DHX57: variants seen among roughly 807,000 people sequenced by gnomAD.
DHX57 encodes the protein putative ATP-dependent RNA helicase DHX57.
Under a neutral mutation model 156.2 loss-of-function variants are expected in DHX57, and 105 were observed. The ratio of observed to expected loss-of-function variants is 0.67; its 90% CI spans 0.57 to 0.79. The LOEUF (loss-of-function observed/expected upper bound fraction) is 0.79, where lower values mean the gene tolerates loss of function less well. DHX57 is among the 30% of genes least tolerant of loss of function. The pLI is 0.00. For missense variants in DHX57, 1,847 were observed against 1,661.9 expected (o/e 1.11, Z -1.94); for synonymous variants, 704 against 595.6 (o/e 1.18, Z -2.65).
rs1431777142 is a variant in DHX57, at chr2:38,843,225, G to A, written c.2220-15C>T. ...GTAATACATACCTGAGAAAGACAAA[G>A]GAATGTGGTTGTGTGTATGTGGTCC... is the stretch of plus-strand genomic sequence containing the variant. On this transcript the variant is annotated splice_polypyrimidine_tract_variant and intron_variant, in intron 11 of 23. Transcript: ENST00000457308. The A allele has an allele frequency of 2.5e-6, 4 of 1,613,048 alleles. No homozygotes were observed. The South Asian group carries it at 4.4e-5, about 18-fold the overall frequency.
At chr2:38,854,725 C>T (rs1672793003) in intron 8 of DHX57, 2 of 216,488 alleles carry the variant, frequency 9.2e-6, no homozygotes, top group South Asian at 1.4e-4. Context: ...CCACACTTGG[C>T]TAATTTTTGT....
Position 38,833,205 on chromosome 2 carries a change from C to T in DHX57, c.2542+4626G>A, listed in dbSNP as rs148831105. 5.4e-3 allele frequency among the ~76,000 whole-genome samples: 823 copies of T among 151,838 alleles called. 5 individuals are homozygous for T. Among genetic ancestry groups the T allele is most frequent in the African/African-American group, 0.018 (745 of 41,428 alleles). On this transcript the variant is annotated intron_variant, in intron 13 of 23. Coordinates refer to ENST00000457308, the MANE Select transcript of DHX57 (RefSeq NM_198963.3). ...TAGCCCAGGCTGGAGTGCGGTGGCG[C>T]GATCTTGGCTCACTGCAACCTCCGC... is the stretch of plus-strand genomic sequence containing the variant.
intron 20 of DHX57, 137 bp from the exon 21 acceptor site, chr2:38,814,032 G>T (rs1032517147): frequency 1.2e-6 from 1 of 836,850 alleles, no homozygotes; most frequent in Non-Finnish European, 1.9e-6. Context: ...CCGCCTCCCA[G>T]GTTCAAGCGA....
intron 3 of DHX57, 131 bp from the exon 4 acceptor site, chr2:38,862,464 G>T: frequency 1.2e-6 from 1 of 864,802 alleles, no homozygotes; most frequent in Non-Finnish European, 1.6e-6. Context: ...ATCTTATATT[G>T]AACTATTAAT....
Position 38,861,130 on chromosome 2 carries a change from T to A in DHX57, c.1280A>T (p.Asn427Ile), listed in dbSNP as rs1252385690. The A allele has an allele frequency of 5.6e-6, 9 of 1,614,102 alleles. No individual in the cohort carries two copies. In the East Asian group the frequency reaches 2.0e-4, roughly 36 times the overall value. ...AGGGTCACTATACTTGTGGTGGGTA[T>A]TCGTTAGTAACTTGACTATTTCCGA... ...EESEIVKLLTNTHHKYSDPPV... is the reference protein window; with the variant it reads ...EESEIVKLLTITHHKYSDPPV... Residue 427 changes from asparagine (N) to isoleucine (I), a missense_variant, in exon 5 of 24, where the codon AAT (asparagine) becomes ATT (isoleucine). By Grantham distance (149) the Asn-to-Ile change is moderately radical. Coordinates refer to ENST00000457308, the MANE Select transcript of DHX57 (RefSeq NM_198963.3).
At position 38,823,205 on chromosome 2, in the gene DHX57, G is replaced by T. The variant is rs139092761; in HGVS notation, c.3079C>A (p.Pro1027Thr). The T allele has an allele frequency of 2.2e-5, 36 of 1,614,122 alleles. No individual in the cohort carries two copies. The African/African-American group carries it at 2.5e-4, about 11-fold the overall frequency. ...LQSVFSRLIE[P>T]PHTDSLRASK... Reference sequence around the variant, plus strand: ...GCACGAAGAGAATCGGTGTGTGGAGGTTCAATGAGCCGAGAGAACACAGAC... The same window carrying T: ...GCACGAAGAGAATCGGTGTGTGGAGTTTCAATGAGCCGAGAGAACACAGAC... The change falls in exon 17 of 24, where the codon CCT becomes ACT. Residue 1027 changes from proline (P) to threonine (T), a missense_variant. Physicochemically the swap from Pro to Thr is conservative, Grantham distance 38. Coordinates refer to ENST00000457308, the MANE Select transcript of DHX57 (RefSeq NM_198963.3).
chr2:38,857,726 T>A (rs1672971738), intron 6 of DHX57, among the ~76,000 whole-genome samples: 1 of 152,324 alleles, frequency 6.6e-6, no homozygotes, highest in Middle Eastern at 3.4e-3. Context: ...TCTTTTAAAA[T>A]AATCTTCATG....
chr2:38,822,037 C>T (rs1264786101), intron 17 of DHX57, among the ~76,000 whole-genome samples: 1 of 152,124 alleles, frequency 6.6e-6, no homozygotes, highest in Non-Finnish European at 1.5e-5. Flanking sequence ...GCTCCACCAC[C>T]CCCCGGCCCA....
intron 17 of DHX57, among the ~76,000 whole-genome samples, chr2:38,822,363 G>C (rs913465860): frequency 6.6e-6 from 1 of 151,092 alleles, no homozygotes; most frequent in African/African-American, 2.4e-5. Flanking sequence ...TTACAGGCGT[G>C]AGCCACCACG....
intron 12 of DHX57, among the ~76,000 whole-genome samples, chr2:38,839,147 G>C (rs1055994260): frequency 4.2e-4 from 63 of 151,676 alleles, no homozygotes; most frequent in African/African-American, 1.5e-3. Context: ...GGTCAGGCTG[G>C]TCTCGAACTC....
At chr2:38,853,044 G>GTTTTC (rs1194531472) in intron 9 of DHX57, 1,615 of 153,862 alleles carry the variant, frequency 0.01, 16 homozygotes, top group South Asian at 0.015. Flanking sequence ...TCATATTTCA[G>GTTTTC]TTTTCTTTTC....
At position 38,835,945 on chromosome 2, in the gene DHX57, C is replaced by G. The variant is rs543272253; in HGVS notation, c.2542+1886G>C. 3.9e-5 allele frequency among the ~76,000 whole-genome samples: 6 copies of G among 152,212 alleles called. No individual in the cohort carries two copies. In the South Asian group the frequency reaches 8.3e-4, roughly 21 times the overall value. ...GATCTTGGAGAAATTCAAGAGCTAG[C>G]CAACACCACACCAGGGGAATTAACA... On this transcript the variant is annotated intron_variant, in intron 13 of 23. Transcript: ENST00000457308.
intron 13 of DHX57, among the ~76,000 whole-genome samples, 158 bp downstream of exon 13, chr2:38,837,673 G>A (rs1671753846): frequency 6.7e-6 from 1 of 148,420 alleles, no homozygotes; most frequent in Non-Finnish European, 1.5e-5. Flanking sequence ...GCAGAGCTGG[G>A]AAGTTTATCA....
intron 12 of DHX57, among the ~76,000 whole-genome samples, chr2:38,840,133 C>T (rs1671905785): frequency 6.6e-6 from 1 of 151,982 alleles, no homozygotes; most frequent in Non-Finnish European, 1.5e-5. Context: ...TTTTAAGAGA[C>T]AAGGCAGCAC....
chr2:38,866,440 C>A (rs962039420), intron 2 of DHX57, among the ~76,000 whole-genome samples: 1 of 152,208 alleles, frequency 6.6e-6, no homozygotes, highest in African/African-American at 2.4e-5. Context: ...TGCCTCTCTT[C>A]ACGTGATACC....
intron 11 of DHX57, among the ~76,000 whole-genome samples, chr2:38,845,202 AC>A (rs1376946358): frequency 6.6e-6 from 1 of 151,986 alleles, no homozygotes; most frequent in East Asian, 1.9e-4. Flanking sequence ...TTAAAAAAAA[AC>A]AAAAAACAAA....
intron 19 of DHX57, chr2:38,815,911 A>G (rs1670523352): frequency 2.0e-6 from 1 of 501,450 alleles, no homozygotes; most frequent in African/African-American, 1.9e-5. Context: ...CATTTATTTA[A>G]CTCTAGATTA....
At chr2:38,805,424 G>A (rs1172081526) in intron 22 of DHX57, among the ~76,000 whole-genome samples, 1 of 152,206 alleles carries the variant, frequency 6.6e-6, no homozygotes, top group African/African-American at 2.4e-5. Context: ...AATTGACATA[G>A]TCTAATTGAT....
At chr2:38,870,776 G>C (rs1036667917) in intron 1 of DHX57, among the ~76,000 whole-genome samples, 2 of 152,084 alleles carry the variant, frequency 1.3e-5, no homozygotes, top group Non-Finnish European at 2.9e-5. Context: ...CTGCTTCGGA[G>C]GCTGAGGCAG....
Sources: gnomAD v4.1 joint callset for allele counts (sites outside exome capture counted in the v4.1 genomes callset) on GRCh38, gnomAD v4.1.1 for gene constraint, MANE v1.5 for transcripts, NCBI Gene and HGNC (gene_info 2026-07-23, HGNC 2026-07-21) for gene names.